PARD3: variants seen among roughly 807,000 people sequenced by gnomAD.
PARD3 encodes partitioning defective 3 homolog.
A neutral mutation model predicts 155.4 loss-of-function variants in PARD3; 75 were observed. The ratio of observed to expected loss-of-function variants is 0.48; its 90% CI spans 0.40 to 0.58. The LOEUF (loss-of-function observed/expected upper bound fraction) is 0.58, where lower values mean the gene tolerates loss of function less well. PARD3 is among the 20% of genes least tolerant of loss of function. The probability of loss-of-function intolerance (pLI) is 0.00; values close to 1 mark genes in which losing one functional copy is unlikely to be tolerated. For synonymous variants in PARD3, 576 were observed against 610.5 expected, an observed-to-expected ratio of 0.94 and a Z score of 0.83; for missense variants, 1,642 against 1,721.7, an observed-to-expected ratio of 0.95 and a Z score of 0.82.
At chr10:34,602,321 G>C (rs1490456756) in intron 2 of PARD3, among the ~76,000 whole-genome samples, 1 of 151,964 alleles carries the variant, frequency 6.6e-6, no homozygotes, top group Non-Finnish European at 1.5e-5. Context: ...TTAACTGATA[G>C]AATTAAATAT....
chr10:34,760,549 C>G (rs1039535607), intron 1 of PARD3, among the ~76,000 whole-genome samples: 2 of 152,334 alleles, frequency 1.3e-5, no homozygotes, highest in Middle Eastern at 3.4e-3. Context: ...GCCAGGCTTT[C>G]TAGAACTCCT....
At chr10:34,476,667 T>C (rs781291927) in intron 3 of PARD3, among the ~76,000 whole-genome samples, 1 of 152,110 alleles carries the variant, frequency 6.6e-6, no homozygotes, top group Non-Finnish European at 1.5e-5. Context: ...CATATGTTCA[T>C]ATACCCCCAA....
chr10:34,704,266 C>G (rs893984241), intron 1 of PARD3, among the ~76,000 whole-genome samples: 1 of 152,118 alleles, frequency 6.6e-6, no homozygotes. Flanking sequence ...AAAAAACATT[C>G]CTCATTTCAG....
At chr10:34,601,374 A>C (rs1231639023) in intron 2 of PARD3, among the ~76,000 whole-genome samples, 2 of 152,056 alleles carry the variant, frequency 1.3e-5, no homozygotes, top group Non-Finnish European at 2.9e-5. Context: ...CCAGGAGTTC[A>C]AGGCTGCAGT....
intron 22 of PARD3, among the ~76,000 whole-genome samples, chr10:34,146,534 C>G (rs1948513158): frequency 6.6e-6 from 1 of 152,190 alleles, no homozygotes; most frequent in Admixed American, 6.5e-5. Context: ...CTTTTTCTCC[C>G]AAGCACATGA....
intron 22 of PARD3, among the ~76,000 whole-genome samples, chr10:34,172,792 T>C (rs1589014111): frequency 7.1e-6 from 1 of 141,480 alleles, no homozygotes; most frequent in Non-Finnish European, 1.5e-5. Context: ...CAAAATGACA[T>C]AAATGGGAGT....
At chr10:34,614,212 G>A (rs1483704697) in intron 2 of PARD3, among the ~76,000 whole-genome samples, 1 of 152,156 alleles carries the variant, frequency 6.6e-6, no homozygotes, top group East Asian at 1.9e-4. Context: ...CTCTCCTTTT[G>A]CTCCGCTACA....
intron 20 of PARD3, among the ~76,000 whole-genome samples, chr10:34,311,050 C>T (rs1957672635): frequency 6.6e-6 from 1 of 152,140 alleles, no homozygotes; most frequent in Non-Finnish European, 1.5e-5. Context: ...ATCCCCATGG[C>T]AATTAGGTCC....
At chr10:34,338,174 T>G (rs1037564338) in intron 16 of PARD3, among the ~76,000 whole-genome samples, 1 of 152,138 alleles carries the variant, frequency 6.6e-6, no homozygotes, top group African/African-American at 2.4e-5. Flanking sequence ...ATGACTAAGT[T>G]TAGATGACAT....
chr10:34,603,233 TG>T (rs1382171116), intron 2 of PARD3, among the ~76,000 whole-genome samples: 1 of 152,164 alleles, frequency 6.6e-6, no homozygotes, highest in Non-Finnish European at 1.5e-5. Flanking sequence ...CTTGGTGGGC[TG>T]CAAGTTTAAA....
intron 1 of PARD3, among the ~76,000 whole-genome samples, chr10:34,713,058 A>G (rs1379818854): frequency 6.6e-6 from 1 of 151,976 alleles, no homozygotes; most frequent in African/African-American, 2.4e-5. Flanking sequence ...AAATACAAAA[A>G]TAAATTAGCC....
chr10:34,153,472 G>A (rs1423608681), intron 22 of PARD3, among the ~76,000 whole-genome samples: 1 of 152,038 alleles, frequency 6.6e-6, no homozygotes, highest in African/African-American at 2.4e-5. Context: ...ATTTCACATG[G>A]GACCAGACAA....
At chr10:34,202,995 C>A (rs1033176702) in intron 22 of PARD3, among the ~76,000 whole-genome samples, 1 of 152,188 alleles carries the variant, frequency 6.6e-6, no homozygotes, top group Non-Finnish European at 1.5e-5. Flanking sequence ...CTGAGGTCTG[C>A]ACTTGAACAC....
rs2094929599 is a variant in PARD3 at position 34,737,126 on chromosome 10, AAGGGGGACGGAGAGAAGC to A, written c.121-40725_121-40708del. On this transcript the variant is annotated intron_variant, in intron 1 of 24. Transcript: ENST00000374788. ...AATGAGAAAGCGGGTGAAGGGGAGA[AAGGGGGACGGAGAGAAGC>A]AGGGGTCTGCAGTATTGACCTGGTC... 2.0e-5 allele frequency among the ~76,000 whole-genome samples: 3 copies of A among 152,226 alleles called. No individual in the cohort carries two copies. In the South Asian group the frequency reaches 6.2e-4, roughly 32 times the overall value.
At position 34,557,735 on chromosome 10, in the gene PARD3, G is replaced by A. The variant is rs1433212830; in HGVS notation, c.223-40576C>T. 3.9e-5 allele frequency among the ~76,000 whole-genome samples: 6 copies of A among 152,034 alleles called. No individual in the cohort carries two copies. In the East Asian group the frequency reaches 1.2e-3, roughly 30 times the overall value. ...AGCCTCCCAAAGTGCTGGGATTACA[G>A]GCATGAGCCACTGCACCCGGCCTCC... On this transcript the variant is annotated intron_variant, in intron 2 of 24. Coordinates refer to ENST00000374788, the MANE Select transcript of PARD3 (RefSeq NM_001184785.2).
At chr10:34,241,294 G>C (rs1412676850) in intron 22 of PARD3, among the ~76,000 whole-genome samples, 1 of 152,124 alleles carries the variant, frequency 6.6e-6, no homozygotes, top group Non-Finnish European at 1.5e-5. Context: ...AGATGAAATG[G>C]CAAGGGCAGG....
intron 12 of PARD3, among the ~76,000 whole-genome samples, chr10:34,368,663 C>A (rs555717628): frequency 8.6e-5 from 13 of 151,184 alleles, no homozygotes; most frequent in Admixed American, 1.3e-4. Flanking sequence ...CAGAGCGAGA[C>A]TCCATCTCAA....
At chr10:34,461,736 C>A (rs1044932234) in intron 4 of PARD3, among the ~76,000 whole-genome samples, 23 of 152,244 alleles carry the variant, frequency 1.5e-4, no homozygotes, top group African/African-American at 5.5e-4. Flanking sequence ...GGTTCTCTCC[C>A]CTAAGTCAAG....
chr10:34,571,332 C>CA (rs949618936), intron 2 of PARD3, among the ~76,000 whole-genome samples: 1 of 151,532 alleles, frequency 6.6e-6, no homozygotes, highest in African/African-American at 2.4e-5. Flanking sequence ...CAAGACAAAA[C>CA]AAAAAAAGTA....
Sources: allele counts gnomAD v4.1 joint callset (sites outside exome capture counted in the v4.1 genomes callset), GRCh38; gene constraint gnomAD v4.1.1; transcripts MANE v1.5; gene names NCBI Gene and HGNC (gene_info 2026-07-23, HGNC 2026-07-21).